GULP1: variants seen among roughly 807,000 people sequenced by gnomAD.
GULP1 encodes GULP PTB domain containing engulfment adaptor 1.
In GULP1, 19 loss-of-function variants were observed where a neutral mutation model predicts 40.9. The observed-to-expected ratio is 0.46, with a 90% confidence interval of 0.32 to 0.68. The LOEUF is 0.68. Ranked by LOEUF, GULP1 falls within the 30% of genes least tolerant of loss-of-function variation. The pLI is 0.03. For synonymous variants in GULP1, 119 were observed against 117.6 expected (o/e 1.01, Z -0.08); for missense variants, 312 against 362.2 (o/e 0.86, Z 1.12).
rs187554902 is a variant in GULP1 at position 188,305,057 on chromosome 2, C to T, written c.-172+12891C>T. Among the ~76,000 whole-genome samples, 351 of 152,200 alleles carry T rather than the reference C, an allele frequency of 2.3e-3. 1 individual carries two copies. The highest frequency in any genetic ancestry group is 7.9e-3 in the African/African-American group (329 of 41,538). The stretch of plus-strand genomic sequence containing the variant: ...GCCCCTCCAACACTTGTTGGAAGTC[C>T]GGGCCTCTGTAACTTCTGACCCACT... On this transcript the variant is annotated intron_variant, in intron 1 of 11. Coordinates refer to ENST00000409830, the MANE Select transcript of GULP1 (RefSeq NM_016315.4).
intron 4 of GULP1, among the ~76,000 whole-genome samples, chr2:188,486,866 G>C (rs1282146551): frequency 6.6e-6 from 1 of 151,854 alleles, no homozygotes; most frequent in Non-Finnish European, 1.5e-5. Flanking sequence ...ATGAAAAAAT[G>C]TGGTCATGAA....
At chr2:188,519,772 G>A (rs1218787065) in intron 4 of GULP1, among the ~76,000 whole-genome samples, 1 of 152,020 alleles carries the variant, frequency 6.6e-6, no homozygotes, top group Non-Finnish European at 1.5e-5. Context: ...AGACTTGCAG[G>A]CAATAGTAAT....
intron 2 of GULP1, among the ~76,000 whole-genome samples, chr2:188,442,317 A>G (rs2058007143): frequency 6.6e-6 from 1 of 152,178 alleles, no homozygotes; most frequent in African/African-American, 2.4e-5. Context: ...CAGTAAATGT[A>G]GTTAGGGCAC....
chr2:188,401,357 G>A (rs2052267120), intron 2 of GULP1, among the ~76,000 whole-genome samples: 1 of 152,084 alleles, frequency 6.6e-6, no homozygotes, highest in South Asian at 2.1e-4. Flanking sequence ...AACACTATAA[G>A]TGAATGCACT....
chr2:188,532,992 A>G (rs1414258918), intron 6 of GULP1, among the ~76,000 whole-genome samples: 1 of 152,160 alleles, frequency 6.6e-6, no homozygotes, highest in Non-Finnish European at 1.5e-5. Flanking sequence ...AGGCTATCAT[A>G]TCTGTTTGGT....
Position 188,581,277 on chromosome 2 carries a change from G to A in GULP1, c.610-2988G>A, listed in dbSNP as rs189490206. ...TCCCTTCTCCCTCCTACCGTCTCTT[G>A]TCCGAAAAAAACCCTCAGGAACCTT... On this transcript the variant is annotated intron_variant, in intron 9 of 11. Transcript: ENST00000409830. Among the ~76,000 whole-genome samples, 11 of 151,970 alleles carry A rather than the reference G, an allele frequency of 7.2e-5. No homozygotes were observed. In the East Asian group the frequency reaches 2.1e-3, roughly 29 times the overall value.
chr2:188,453,221 T>G (rs2058979254), intron 2 of GULP1, among the ~76,000 whole-genome samples: 1 of 152,210 alleles, frequency 6.6e-6, no homozygotes, highest in Non-Finnish European at 1.5e-5. Flanking sequence ...AATTTACAAT[T>G]CTTCTAATTT....
intron 2 of GULP1, among the ~76,000 whole-genome samples, chr2:188,406,660 T>C (rs2053154126): frequency 6.6e-6 from 1 of 151,804 alleles, no homozygotes; most frequent in South Asian, 2.1e-4. Context: ...TTCGAAAATA[T>C]ACAGTTAGAG....
At chr2:188,307,533 T>C (rs1320866620) in intron 1 of GULP1, among the ~76,000 whole-genome samples, 2 of 152,014 alleles carry the variant, frequency 1.3e-5, no homozygotes, top group African/African-American at 4.8e-5. Flanking sequence ...CCTAAAATTA[T>C]GTATGAGAAA....
At chr2:188,312,082 C>T (rs762268668) in intron 1 of GULP1, among the ~76,000 whole-genome samples, 4 of 151,882 alleles carry the variant, frequency 2.6e-5, no homozygotes, top group Non-Finnish European at 4.4e-5. Context: ...AATTCAAAAA[C>T]ACCATACCTA....
intron 6 of GULP1, among the ~76,000 whole-genome samples, chr2:188,530,948 A>C (rs532039447): frequency 6.6e-6 from 1 of 152,362 alleles, no homozygotes; most frequent in East Asian, 1.9e-4. Flanking sequence ...AAATTAATTC[A>C]GTATAAAAGC....
chr2:188,529,167 G>A lies in GULP1; in HGVS notation c.233G>A (p.Gly78Glu). The A allele has an allele frequency of 6.3e-7, 1 of 1,575,540 alleles. No individual in the cohort carries two copies. The highest frequency in any genetic ancestry group is 8.7e-7 in the Non-Finnish European group (1 of 1,151,470). The change falls in exon 6 of 12, where the codon GGA becomes GAA. Residue 78 changes from glycine to glutamate, a missense_variant. Physicochemically the swap from Gly to Glu is moderately conservative, Grantham distance 98. Coordinates refer to ENST00000409830, the MANE Select transcript of GULP1 (RefSeq NM_016315.4). Reference sequence around the variant, plus strand: ...GTGGAGTTGCAAATATCAATTTATGGAGTAAAAATTCTAGAACCCAAAACA... The same window carrying A: ...GTGGAGTTGCAAATATCAATTTATGAAGTAAAAATTCTAGAACCCAAAACA... ...PKVELQISIY[G>E]VKILEPKTKE...
intron 2 of GULP1, among the ~76,000 whole-genome samples, chr2:188,461,575 G>A (rs547953337): frequency 1.3e-5 from 2 of 151,842 alleles, no homozygotes; most frequent in Non-Finnish European, 2.9e-5. Context: ...AAAGTGCTGG[G>A]ATTATAGGCT....
At chr2:188,313,202 C>T (rs1207516921) in intron 1 of GULP1, among the ~76,000 whole-genome samples, 2 of 152,016 alleles carry the variant, frequency 1.3e-5, no homozygotes, top group Non-Finnish European at 1.5e-5. Flanking sequence ...TCCATGCCTG[C>T]GTCCTGAATG....
chr2:188,370,964 TC>T (rs2047528211), intron 1 of GULP1, among the ~76,000 whole-genome samples: 1 of 152,232 alleles, frequency 6.6e-6, no homozygotes, highest in South Asian at 2.1e-4. Flanking sequence ...CACTTTTCAT[TC>T]TTTACCCAAA....
At chr2:188,390,921 G>A (rs1191529085) in intron 2 of GULP1, among the ~76,000 whole-genome samples, 1 of 151,828 alleles carries the variant, frequency 6.6e-6, no homozygotes, top group African/African-American at 2.4e-5. Context: ...AAGATCAGTT[G>A]GTTATAAGTA....
At chr2:188,375,608 A>C (rs1187316187) in intron 1 of GULP1, among the ~76,000 whole-genome samples, 1 of 152,336 alleles carries the variant, frequency 6.6e-6, no homozygotes, top group Non-Finnish European at 1.5e-5. Flanking sequence ...ATGTATTTAC[A>C]TAGTTTTACA....
intron 6 of GULP1, among the ~76,000 whole-genome samples, chr2:188,529,811 A>G (rs1370847197): frequency 1.3e-5 from 2 of 152,116 alleles, no homozygotes; most frequent in Non-Finnish European, 2.9e-5. Context: ...TGGATTAGGA[A>G]CCATACTCAT....
At chr2:188,436,229 T>A (rs182560987) in intron 2 of GULP1, among the ~76,000 whole-genome samples, 1 of 152,072 alleles carries the variant, frequency 6.6e-6, no homozygotes, top group African/African-American at 2.4e-5. Flanking sequence ...TGTTTTTGTT[T>A]GTTTGTTTGT....
Sources: allele counts gnomAD v4.1 joint callset (sites outside exome capture counted in the v4.1 genomes callset), GRCh38; gene constraint gnomAD v4.1.1; transcripts MANE v1.5; gene names NCBI Gene and HGNC (gene_info 2026-07-23, HGNC 2026-07-21).